The following LYRM4 variants were observed in gnomAD, a reference collection of about 807,000 sequenced individuals.
The protein encoded by LYRM4 is LYR motif-containing protein 4.
A neutral mutation model predicts 11.7 loss-of-function variants in LYRM4; 9 were observed. The ratio of observed to expected loss-of-function variants is 0.77; its 90% CI spans 0.46 to 1.34. The LOEUF (loss-of-function observed/expected upper bound fraction) is 1.34. Among genes scored for constraint, LYRM4 ranks in the 40% most tolerant of loss-of-function variants. The probability of loss-of-function intolerance (pLI) is 0.00; values close to 1 mark genes in which losing one functional copy is unlikely to be tolerated. For missense variants in LYRM4, 133 were observed against 112.5 expected (o/e 1.18, Z -0.82); for synonymous variants, 42 against 40.4 (o/e 1.04, Z -0.15).
intron 2 of LYRM4, among the ~76,000 whole-genome samples, chr6:5,160,812 C>T (rs895438478): frequency 3.9e-5 from 6 of 152,304 alleles, no homozygotes; most frequent in South Asian, 2.1e-4. Flanking sequence ...TCACTGACCA[C>T]GAGATGCTCT....
chr6:5,055,084 T>G, the LYRM4 span, among the ~76,000 whole-genome samples: 4 of 152,222 alleles, frequency 2.6e-5, no homozygotes, highest in African/African-American at 9.6e-5. This position sits in a 1 kb window ranked among gnomAD's most constrained non-coding sequence, Gnocchi z 4.5. Context: ...ACAAGAACCT[T>G]GGCTTAAGCT....
intron 2 of LYRM4, among the ~76,000 whole-genome samples, chr6:5,162,063 C>A (rs187651492): frequency 6.6e-6 from 1 of 152,160 alleles, no homozygotes; most frequent in Non-Finnish European, 1.5e-5. Context: ...CCAGCCACAA[C>A]ACAAGTCATG....
At chr6:5,099,740 G>T (rs1374648927), downstream of LYRM4, among the ~76,000 whole-genome samples, 1 of 152,086 alleles carries the variant, frequency 6.6e-6, no homozygotes, top group African/African-American at 2.4e-5. The surrounding 1 kb of genome is among the most constrained non-coding windows in gnomAD (Gnocchi z 4.3). Context: ...ACCGCACCTG[G>T]CACATCACTC....
At chr6:5,045,961 G>A in the LYRM4 span, among the ~76,000 whole-genome samples, 42 of 152,182 alleles carry the variant, frequency 2.8e-4, no homozygotes, top group African/African-American at 9.7e-4. Context: ...GTGCTGCTTA[G>A]TGGGCTTTGC....
chr6:5,036,418 G>A, the LYRM4 span, among the ~76,000 whole-genome samples: 5 of 152,156 alleles, frequency 3.3e-5, no homozygotes, highest in Middle Eastern at 3.2e-3. Context: ...CAACCTGGGC[G>A]TGGTTTCAAC....
chr6:5,059,558 G>C, the LYRM4 span, among the ~76,000 whole-genome samples: 1 of 152,100 alleles, frequency 6.6e-6, no homozygotes, highest in Non-Finnish European at 1.5e-5. Flanking sequence ...GAAGAGGACT[G>C]TGGTCTGTCA....
chr6:5,236,683 C>G (rs554641881), intron 1 of LYRM4, among the ~76,000 whole-genome samples: 87 of 151,586 alleles, frequency 5.7e-4, no homozygotes, highest in Middle Eastern at 3.4e-3. Context: ...CGCAGTAGCT[C>G]ACATCTGTAA....
At chr6:5,073,922 A>G in the LYRM4 span, among the ~76,000 whole-genome samples, 1 of 152,096 alleles carries the variant, frequency 6.6e-6, no homozygotes, top group East Asian at 1.9e-4. Context: ...CTGGCCTTAT[A>G]CCTTCCTGTC....
chr6:5,197,982 C>T (rs376294388), intron 2 of LYRM4, among the ~76,000 whole-genome samples: 2 of 152,042 alleles, frequency 1.3e-5, no homozygotes, highest in African/African-American at 4.8e-5. Flanking sequence ...ACCAGCCTGA[C>T]CAACATGGTG....
chr6:5,160,472 G>C (rs1430932716), intron 2 of LYRM4, among the ~76,000 whole-genome samples: 3 of 152,202 alleles, frequency 2.0e-5, no homozygotes, highest in East Asian at 3.9e-4. Context: ...TGCTGTTCTT[G>C]TGGTAGTGAC....
At chr6:5,151,511 A>G (rs1758088257) in intron 2 of LYRM4, among the ~76,000 whole-genome samples, 1 of 151,332 alleles carries the variant, frequency 6.6e-6, no homozygotes, top group African/African-American at 2.4e-5. Flanking sequence ...TGCCAATTCC[A>G]CCCACTTCTC....
At chr6:5,223,498 C>T (rs1172783554) in intron 1 of LYRM4, among the ~76,000 whole-genome samples, 5 of 152,190 alleles carry the variant, frequency 3.3e-5, no homozygotes, top group Non-Finnish European at 5.9e-5. Context: ...CTCCACAGGT[C>T]GATAAGCCCT....
intron 2 of LYRM4, among the ~76,000 whole-genome samples, chr6:5,165,732 G>T (rs920026511): frequency 1.3e-5 from 2 of 151,974 alleles, no homozygotes; most frequent in South Asian, 4.2e-4. Context: ...TACTAGAGAC[G>T]GGGTTTCACC....
chr6:5,087,345 C>T, the LYRM4 span: 2 of 152,260 alleles, frequency 1.3e-5, no homozygotes, highest in Non-Finnish European at 2.9e-5. Context: ...ACAAATTCCT[C>T]CCCTTCGTTC....
In LYRM4 at chr6:5,109,471, A is replaced by C; in HGVS notation, c.228T>G (p.Tyr76Ter). The stretch of plus-strand genomic sequence containing the variant: ...TCTCAATGATCAGCTTGTCAGTTGA[A>C]TACAGTTGGCCAATGTGGACCTGAA... The part of the protein sequence containing the change: ...IRRQVHIGQL[Y>*]STDKLIIENR... The change falls in exon 3 of 3, where the codon TAT becomes TAG. Residue 76 changes from tyrosine to a stop codon, truncating the protein, a stop_gained. Transcript: ENST00000330636. LOFTEE classifies it high-confidence loss of function. 1 of 1,614,090 alleles carries C rather than the reference A, an allele frequency of 6.2e-7. No individual in the cohort carries two copies. The highest frequency in any genetic ancestry group is 8.5e-7 in the Non-Finnish European group (1 of 1,179,960).
At chr6:5,094,342 G>C in the LYRM4 span, among the ~76,000 whole-genome samples, 35,440 of 151,854 alleles carry the variant, frequency 0.23, 4,242 homozygotes, top group Non-Finnish European at 0.26. Context: ...AAATTAGCCA[G>C]GCCTGATGGC....
At chr6:5,114,677 TAGA>T (rs376343810) in intron 2 of LYRM4, among the ~76,000 whole-genome samples, 28 of 150,980 alleles carry the variant, frequency 1.9e-4, no homozygotes, top group African/African-American at 6.6e-4. Flanking sequence ...TGGGCCACAC[TAGA>T]AGAAGAATTG....
intron 2 of LYRM4, chr6:5,144,117 C>T: frequency 6.5e-7 from 1 of 1,535,676 alleles, no homozygotes. Context: ...TCTGATGTGA[C>T]CACATAGTCA....
At chr6:5,220,240 C>G (rs866109393) in intron 1 of LYRM4, among the ~76,000 whole-genome samples, 1 of 152,222 alleles carries the variant, frequency 6.6e-6, no homozygotes, top group African/African-American at 2.4e-5. Flanking sequence ...TTCTGCTTTA[C>G]TCTGTCCCCT....
Sources: gnomAD v4.1 joint callset for allele counts (sites outside exome capture counted in the v4.1 genomes callset) on GRCh38, gnomAD v4.1.1 for gene constraint, Gnocchi (gnomAD v3.1) non-coding constraint, MANE v1.5 for transcripts, NCBI Gene and HGNC (gene_info 2026-07-23, HGNC 2026-07-21) for gene names.